Variants in RTN4 observed in about 807,000 individuals in gnomAD.
RTN4 encodes reticulon-4.
A neutral mutation model predicts 90.4 loss-of-function variants in RTN4; 32 were observed. The ratio of observed to expected loss-of-function variants is 0.35; its 90% CI spans 0.27 to 0.48. The LOEUF (loss-of-function observed/expected upper bound fraction) is 0.48. RTN4 is among the 20% of genes least tolerant of loss of function. The probability of loss-of-function intolerance (pLI) is 0.99; values close to 1 mark genes in which losing one functional copy is unlikely to be tolerated. For synonymous variants in RTN4, 629 were observed against 552.5 expected (o/e 1.14, Z -1.94); for missense variants, 1,706 against 1,430.2 (o/e 1.19, Z -3.11).
At chr2:54,996,572 C>A (rs545854204) in intron 3 of RTN4, among the ~76,000 whole-genome samples, 9 of 152,096 alleles carry the variant, frequency 5.9e-5, no homozygotes, top group African/African-American at 1.2e-4. Context: ...GGTGCCAAGG[C>A]AACTCAATAA....
At chr2:55,132,877 A>G in the RTN4 span, among the ~76,000 whole-genome samples, 35,257 of 137,304 alleles carry the variant, frequency 0.26, 5,007 homozygotes, top group East Asian at 0.51. Flanking sequence ...ATTAGTTCTC[A>G]CTCTCCAGTT....
intron 8 of RTN4, 74 bp from the exon 9 acceptor site, chr2:54,973,272 T>TTGTATGTTATTCAGCTAATACAA: frequency 8.0e-7 from 1 of 1,247,546 alleles, no homozygotes. Flanking sequence ...CAAGAACTAC[T>TTGTATGTTATTCAGCTAATACAA]TGTATGTTAT....
At chr2:55,039,646 G>A (rs1345101445) in intron 1 of RTN4, among the ~76,000 whole-genome samples, 1 of 152,056 alleles carries the variant, frequency 6.6e-6, no homozygotes, top group Non-Finnish European at 1.5e-5. Flanking sequence ...CAGGTGTAGT[G>A]TTGGGTGCCT....
intron 3 of RTN4, among the ~76,000 whole-genome samples, chr2:55,008,525 G>A (rs1459913600): frequency 6.6e-6 from 1 of 151,884 alleles, no homozygotes; most frequent in East Asian, 1.9e-4. Flanking sequence ...GACCAAAACA[G>A]CCAGACAGGT....
intron 1 of RTN4, among the ~76,000 whole-genome samples, chr2:55,110,004 CA>C (rs1221073011): frequency 6.6e-6 from 1 of 151,950 alleles, no homozygotes; most frequent in Admixed American, 6.6e-5. Flanking sequence ...GTGAAAGGAA[CA>C]AAAGAAATTC....
intron 5 of RTN4, among the ~76,000 whole-genome samples, chr2:54,978,980 C>T (rs539632268): frequency 1.3e-4 from 19 of 151,904 alleles, no homozygotes; most frequent in Non-Finnish European, 2.4e-4. Flanking sequence ...ACTTTCCCTA[C>T]CAGTTTTTGT....
the RTN4 span, among the ~76,000 whole-genome samples, chr2:55,126,906 G>A: frequency 6.6e-6 from 1 of 152,168 alleles, no homozygotes; most frequent in East Asian, 1.9e-4. Flanking sequence ...GCAAATTAAT[G>A]CAGGAACGGA....
chr2:54,993,878 C>A (rs1440960029), intron 3 of RTN4, among the ~76,000 whole-genome samples: 1 of 152,198 alleles, frequency 6.6e-6, no homozygotes, highest in Non-Finnish European at 1.5e-5. Flanking sequence ...CTGCCACCAA[C>A]CCCACTGTGC....
chr2:55,097,294 T>G (rs1482777390), intron 1 of RTN4, among the ~76,000 whole-genome samples: 1 of 127,484 alleles, frequency 7.8e-6, no homozygotes, highest in Non-Finnish European at 1.7e-5. Flanking sequence ...AGAGTGAAAT[T>G]CTGTCTCAAA....
rs1464825789 is a variant in RTN4 at position 55,026,380 on chromosome 2, A to G, written c.1719T>C (p.Tyr573=). 1 of 1,613,950 alleles carries G rather than the reference A, an allele frequency of 6.2e-7. No homozygotes were observed. The highest frequency in any genetic ancestry group is 8.5e-7 in the Non-Finnish European group (1 of 1,179,910). Residue 573 remains tyrosine, a synonymous_variant, in exon 3 of 9, where the codon TAT becomes TAC. Transcript: ENST00000337526. The part of the protein sequence containing the change: ...LNEVTGTKIA[Y]ETKMDLVQTS... ...TTTGAACCAAGTCCATTTTTGTTTCATAAGCAATCTTTGTACCAGTAACTT... is the reference window on the plus strand; with the variant it reads ...TTTGAACCAAGTCCATTTTTGTTTCGTAAGCAATCTTTGTACCAGTAACTT...
upstream of RTN4, among the ~76,000 whole-genome samples, chr2:55,116,091 CTTT>C (rs5831339): frequency 1.9e-5 from 2 of 105,436 alleles, no homozygotes; most frequent in Non-Finnish European, 1.8e-5. Flanking sequence ...GGGGACTAGT[CTTT>C]TTTTTTTTTT....
intron 1 of RTN4, among the ~76,000 whole-genome samples, chr2:55,091,714 T>G (rs1668938026): frequency 6.6e-6 from 1 of 152,210 alleles, no homozygotes; most frequent in Admixed American, 6.5e-5. Context: ...GTTTTCATGC[T>G]GCTGATAAAG....
intron 3 of RTN4, among the ~76,000 whole-genome samples, chr2:55,021,768 C>G (rs1681458865): frequency 6.6e-6 from 1 of 152,080 alleles, no homozygotes; most frequent in Admixed American, 6.6e-5. Flanking sequence ...AGTGGTATAG[C>G]CAAGACTAAA....
chr2:55,080,457 T>A (rs1453664374), intron 2 of RTN4: 1 of 152,244 alleles, frequency 6.6e-6, no homozygotes, highest in African/African-American at 2.4e-5. Context: ...TCCTTGTATT[T>A]GCATATCACA....
At chr2:55,107,825 GT>G (rs970882234) in intron 1 of RTN4, among the ~76,000 whole-genome samples, 4 of 152,180 alleles carry the variant, frequency 2.6e-5, no homozygotes, top group African/African-American at 9.6e-5. Flanking sequence ...ATTGTGAATA[GT>G]TCTGCATGAC....
chr2:55,110,735 CA>C (rs1668023704), intron 1 of RTN4, among the ~76,000 whole-genome samples: 1 of 152,102 alleles, frequency 6.6e-6, no homozygotes, highest in South Asian at 2.1e-4. Context: ...AGGAAAAATA[CA>C]GATTAAAAAT....
intron 3 of RTN4, among the ~76,000 whole-genome samples, chr2:55,011,564 A>T (rs1483396166): frequency 6.6e-6 from 1 of 152,212 alleles, no homozygotes; most frequent in Non-Finnish European, 1.5e-5. Flanking sequence ...AAAAATACAT[A>T]CTTAAGACTG....
chr2:55,025,469 G>C lies in RTN4; in HGVS notation c.2630C>G (p.Ser877Cys), dbSNP rs199983655. The C allele has an allele frequency of 3.1e-6, 5 of 1,613,524 alleles. No individual in the cohort carries two copies. The highest frequency in any genetic ancestry group is 3.4e-6 in the Non-Finnish European group (4 of 1,179,732). The change falls in exon 3 of 9, where the codon TCT (serine) becomes TGT (cysteine). Residue 877 changes from serine (S) to cysteine (C), a missense_variant. By Grantham distance (112) the Ser-to-Cys change is moderately radical. Transcript: ENST00000337526. ...IIDEFPTLIS[S>C]KTDSFSKLAR... ...TAATTTAGAAAATGAATCAGTTTTAGAACTGATCAATGTAGGGAACTCATC... is the reference window on the plus strand; with the variant it reads ...TAATTTAGAAAATGAATCAGTTTTACAACTGATCAATGTAGGGAACTCATC...
chr2:54,973,488 G>T, intron 8 of RTN4, 75 bp downstream of exon 8: 1 of 1,147,152 alleles, frequency 8.7e-7, no homozygotes, highest in South Asian at 1.3e-5. Flanking sequence ...CATTATGCCT[G>T]CAATATGAAA....
Sources: gnomAD v4.1 joint callset for allele counts (sites outside exome capture counted in the v4.1 genomes callset) on GRCh38, gnomAD v4.1.1 for gene constraint, MANE v1.5 for transcripts, NCBI Gene and HGNC (gene_info 2026-07-23, HGNC 2026-07-21) for gene names.